Variants in SLC13A3 observed in about 807,000 individuals in gnomAD.
SLC13A3 encodes Na(+)/dicarboxylate cotransporter 3.
SLC13A3 carries 40 observed loss-of-function variants against 59.0 expected under a neutral mutation model. The ratio of observed to expected loss-of-function variants is 0.68; its 90% confidence interval spans 0.53 to 0.88. SLC13A3 has a LOEUF of 0.88. Among genes scored for constraint, SLC13A3 ranks in the 40% least tolerant of loss-of-function variants. The pLI, the probability that SLC13A3 is intolerant of heterozygous loss-of-function variation, is 0.00. For missense variants in SLC13A3, 699 were observed against 783.2 expected, an observed-to-expected ratio of 0.89 and a Z score of 1.28; for synonymous variants, 317 against 330.3, an observed-to-expected ratio of 0.96 and a Z score of 0.44.
intron 6 of SLC13A3, among the ~76,000 whole-genome samples, chr20:46,589,948 G>A (rs2062237073): frequency 6.6e-6 from 1 of 152,194 alleles, no homozygotes; most frequent in African/African-American, 2.4e-5. Context: ...AATATGGTTA[G>A]AGTTAAAACC....
At chr20:46,681,776 T>G (rs2063155075) in intron 1 of SLC13A3, 1 of 152,220 alleles carries the variant, frequency 6.6e-6, no homozygotes, top group Non-Finnish European at 1.5e-5. Context: ...AGGTGGGGAC[T>G]CTACAGAGAC....
At chr20:46,632,686 G>A (rs543020337) in intron 1 of SLC13A3, among the ~76,000 whole-genome samples, 1 of 152,222 alleles carries the variant, frequency 6.6e-6, no homozygotes, top group East Asian at 1.9e-4. Context: ...TGAGGGTGAT[G>A]ATAATAATGA....
chr20:46,573,719 G>C (rs757489117), intron 10 of SLC13A3, among the ~76,000 whole-genome samples: 2 of 152,184 alleles, frequency 1.3e-5, no homozygotes, highest in Admixed American at 6.5e-5. Context: ...AGAAAAATAG[G>C]AACCCAGAGA....
At chr20:46,585,723 C>T (rs1478071647) in intron 8 of SLC13A3, 4 of 1,298,038 alleles carry the variant, frequency 3.1e-6, no homozygotes, top group South Asian at 2.5e-5. Flanking sequence ...TGTTGAAATG[C>T]TTATAATGCC....
chr20:46,587,810 A>T (rs1382960325), intron 8 of SLC13A3, among the ~76,000 whole-genome samples: 1 of 152,230 alleles, frequency 6.6e-6, no homozygotes, highest in Non-Finnish European at 1.5e-5. Context: ...TAAGTGGCAG[A>T]GCTAGAATTC....
chr20:46,572,144 C>T (rs748675911), intron 10 of SLC13A3, among the ~76,000 whole-genome samples: 5 of 152,146 alleles, frequency 3.3e-5, no homozygotes, highest in Non-Finnish European at 7.4e-5. Flanking sequence ...ACTTCCTGCC[C>T]TTCAGAATGA....
chr20:46,672,061 T>C (rs2063096022), upstream of SLC13A3, among the ~76,000 whole-genome samples: 1 of 152,206 alleles, frequency 6.6e-6, no homozygotes, highest in Admixed American at 6.5e-5. Flanking sequence ...GTCTGAATTA[T>C]GGCCAGTTCC....
chr20:46,589,768 A>G (rs971561588), intron 6 of SLC13A3, among the ~76,000 whole-genome samples: 3 of 152,222 alleles, frequency 2.0e-5, no homozygotes, highest in Non-Finnish European at 2.9e-5. Context: ...CCTTTCAACA[A>G]ATGGTGCTAG....
At chr20:46,659,367 T>C (rs577195785) in intron 1 of SLC13A3, among the ~76,000 whole-genome samples, 1 of 152,308 alleles carries the variant, frequency 6.6e-6, no homozygotes, top group South Asian at 2.1e-4. Flanking sequence ...TATGCATCTT[T>C]ATCACAGTCT....
intron 3 of SLC13A3, among the ~76,000 whole-genome samples, chr20:46,603,664 A>G (rs553668953): frequency 6.6e-6 from 1 of 152,150 alleles, no homozygotes; most frequent in Admixed American, 6.5e-5. Context: ...CTGGGATTAC[A>G]GAAGTGAACT....
At chr20:46,564,206 G>A (rs1224329549) in intron 11 of SLC13A3, among the ~76,000 whole-genome samples, 1 of 152,222 alleles carries the variant, frequency 6.6e-6, no homozygotes, top group East Asian at 1.9e-4. Flanking sequence ...CAGTGAGAAA[G>A]AGAGCTCATG....
chr20:46,598,372 T>A (rs2062336514), intron 4 of SLC13A3, among the ~76,000 whole-genome samples: 1 of 151,926 alleles, frequency 6.6e-6, no homozygotes, highest in African/African-American at 2.4e-5. Context: ...CCATCCTGAG[T>A]ATCGAAAAGA....
At chr20:46,650,106 T>TGGCTG (rs1229587131) in intron 1 of SLC13A3, among the ~76,000 whole-genome samples, 3 of 152,176 alleles carry the variant, frequency 2.0e-5, no homozygotes, top group African/African-American at 7.2e-5. Flanking sequence ...CATGATGCCC[T>TGGCTG]GGCTGGGCTG....
intron 11 of SLC13A3, among the ~76,000 whole-genome samples, chr20:46,565,274 G>A (rs1208713590): frequency 6.6e-6 from 1 of 152,102 alleles, no homozygotes; most frequent in Non-Finnish European, 1.5e-5. Flanking sequence ...ACCTGGTTTT[G>A]GGGCCAGGGT....
chr20:46,627,424 C>A (rs1218984948), intron 1 of SLC13A3, among the ~76,000 whole-genome samples: 1 of 152,096 alleles, frequency 6.6e-6, no homozygotes, highest in Non-Finnish European at 1.5e-5. Context: ...GGGGCGGGGA[C>A]TGTGGTGAAG....
intron 7 of SLC13A3, 142 bp downstream of exon 7, chr20:46,589,018 T>C: frequency 2.8e-6 from 2 of 703,808 alleles, no homozygotes; most frequent in Non-Finnish European, 4.8e-6. Flanking sequence ...CCACCTCCCA[T>C]CCTCCATCTC....
intron 1 of SLC13A3, among the ~76,000 whole-genome samples, chr20:46,630,433 A>C (rs1245933470): frequency 6.6e-6 from 1 of 152,158 alleles, no homozygotes; most frequent in Non-Finnish European, 1.5e-5. Flanking sequence ...GAGTTCAAAA[A>C]CACTTCAGAA....
At chr20:46,585,235 T>G (rs1238169010) in intron 8 of SLC13A3, 17 of 967,634 alleles carry the variant, frequency 1.8e-5, no homozygotes, top group Non-Finnish European at 2.1e-5. Context: ...TATACATATT[T>G]GTATGTGTGT....
At chr20:46,585,281 T>C in intron 8 of SLC13A3, 1 of 981,762 alleles carries the variant, frequency 1.0e-6, no homozygotes, top group Non-Finnish European at 1.2e-6. Context: ...TGGAATGTCA[T>C]ACACCAAACT....
Sources: gnomAD v4.1 joint callset for allele counts (sites outside exome capture counted in the v4.1 genomes callset) on GRCh38, gnomAD v4.1.1 for gene constraint, MANE v1.5 for transcripts, NCBI Gene and HGNC (gene_info 2026-07-23, HGNC 2026-07-21) for gene names.